The following CD109 variants were observed in gnomAD, a reference collection of about 807,000 sequenced individuals.
CD109 encodes the protein CD109 molecule, also known as CD109 antigen.
CD109 carries 149 observed loss-of-function variants against 165.8 expected under a neutral mutation model. The ratio of observed to expected loss-of-function variants is 0.90; its 90% CI spans 0.79 to 1.03. The LOEUF (loss-of-function observed/expected upper bound fraction) is 1.03. Ranked by LOEUF, CD109 falls within the 50% of genes least tolerant of loss-of-function variation. The probability of loss-of-function intolerance (pLI) is 0.00; values close to 1 mark genes in which losing one functional copy is unlikely to be tolerated. For synonymous variants in CD109, 585 were observed against 592.1 expected (o/e 0.99, Z 0.18); for missense variants, 1,712 against 1,677.8 (o/e 1.02, Z -0.36).
At chr6:73,795,473 G>T (rs1775120608) in intron 23 of CD109, among the ~76,000 whole-genome samples, 1 of 152,146 alleles carries the variant, frequency 6.6e-6, no homozygotes, top group South Asian at 2.1e-4. Flanking sequence ...AGCAGTGCTA[G>T]TCCCTCAGGT....
chr6:73,758,925 C>T lies in CD109; in HGVS notation c.674-19C>T. 1 of 1,373,374 alleles carries T rather than the reference C, an allele frequency of 7.3e-7. No homozygotes were observed. Among genetic ancestry groups the T allele is most frequent in the Non-Finnish European group, 1.0e-6 (1 of 964,296 alleles). The allele number at this position is 1,373,374 out of a possible 1,614,324, so 85.1% of individuals were successfully genotyped here. A position where few individuals can be genotyped will look rare whatever the true frequency, so the allele number is the denominator to read the frequency against. ...GTCTCAAAAAGAAAAAAAGATTTACCCTTGCTTTTCTTTTCCAGTATTACC... is the reference window on the plus strand; with the variant it reads ...GTCTCAAAAAGAAAAAAAGATTTACTCTTGCTTTTCTTTTCCAGTATTACC... On this transcript the variant is annotated intron_variant, in intron 6 of 32. Coordinates refer to ENST00000287097, the MANE Select transcript of CD109 (RefSeq NM_133493.5).
chr6:73,795,508 A>G (rs1775122040), intron 23 of CD109, among the ~76,000 whole-genome samples: 1 of 152,146 alleles, frequency 6.6e-6, no homozygotes, highest in South Asian at 2.1e-4. Flanking sequence ...TAGGTGGCCA[A>G]ACTGTAGTTT....
rs202011740 is a variant in CD109, at chr6:73,772,368, G to A, written c.1827+787G>A. 1.4e-4 allele frequency among the ~76,000 whole-genome samples: 21 copies of A among 152,012 alleles called. 1 individual carries two copies. In the East Asian group the frequency reaches 3.3e-3, roughly 24 times the overall value. On this transcript the variant is annotated intron_variant, in intron 15 of 32. Coordinates refer to ENST00000287097, the MANE Select transcript of CD109 (RefSeq NM_133493.5). ...AAAATACAAAAAATTAGCCGGGCGC[G>A]GTGGCGGGCGCCTGTAGTCCCAGCT...
At chr6:73,791,138 T>TAC (rs1187473114) in intron 22 of CD109, among the ~76,000 whole-genome samples, 6 of 32,152 alleles carry the variant, frequency 1.9e-4, no homozygotes, top group South Asian at 2.3e-3. Flanking sequence ...CATACATACA[T>TAC]ATATATATAT....
At chr6:73,709,260 C>A (rs1434437673) in intron 2 of CD109, among the ~76,000 whole-genome samples, 1 of 152,160 alleles carries the variant, frequency 6.6e-6, no homozygotes, top group Non-Finnish European at 1.5e-5. Context: ...AATAGGGAAT[C>A]CTTTCCCCAT....
upstream of CD109, among the ~76,000 whole-genome samples, chr6:73,691,771 C>G (rs1392589587): frequency 1.4e-4 from 22 of 152,192 alleles, no homozygotes; most frequent in Admixed American, 1.2e-3. Flanking sequence ...TAGGGTCTGT[C>G]TCACTCATAG....
chr6:73,762,875 A>G lies in CD109; in HGVS notation c.990A>G (p.Ser330=), dbSNP rs371472926. 2 of 1,609,034 alleles carry G rather than the reference A, an allele frequency of 1.2e-6. No individual in the cohort carries two copies. The highest frequency in any genetic ancestry group is 1.7e-6 in the Non-Finnish European group (2 of 1,178,830). ...AAATTTTAACCACAGTGACAGAATC[A>G]GTTACAGGTTTGTAGACTTTAAAGT... is the stretch of plus-strand genomic sequence containing the variant. The part of the protein sequence containing the change: ...PVEILTTVTE[S]VTGISRNVST... The change falls in exon 9 of 33, where the codon TCA becomes TCG. Residue 330 remains serine, a synonymous_variant. Transcript: ENST00000287097.
intron 14 of CD109, among the ~76,000 whole-genome samples, chr6:73,770,669 A>G (rs1256812567): frequency 1.3e-5 from 2 of 152,068 alleles, no homozygotes; most frequent in African/African-American, 4.8e-5. Flanking sequence ...AATCACTTGA[A>G]CCCAGGAGGC....
At chr6:73,766,535 G>GTATATATA (rs61670174) in intron 11 of CD109, among the ~76,000 whole-genome samples, 3 of 146,646 alleles carry the variant, frequency 2.0e-5, no homozygotes, top group African/African-American at 7.5e-5. Flanking sequence ...ATGTGTGTGT[G>GTATATATA]TATATATATA....
At position 73,806,822 on chromosome 6, in the gene CD109, A is replaced by T. The variant is rs776854906; in HGVS notation, c.2961-22A>T. On this transcript the variant is annotated intron_variant, in intron 24 of 32. Coordinates refer to ENST00000287097, the MANE Select transcript of CD109 (RefSeq NM_133493.5). ...GACCTTATAAAGTGTATTTTATGTA[A>T]TTTTTTTCTCTTTTCATAAAGGTTG... The T allele has an allele frequency of 8.9e-6, 14 of 1,578,262 alleles. No homozygotes were observed. In the Middle Eastern group the frequency reaches 5.0e-4, roughly 57 times the overall value.
intron 2 of CD109, among the ~76,000 whole-genome samples, chr6:73,700,414 C>A (rs1294783168): frequency 6.6e-6 from 1 of 152,080 alleles, no homozygotes; most frequent in East Asian, 1.9e-4. Context: ...AGCCCCCCAA[C>A]AGAAGGTTGG....
At position 73,787,405 on chromosome 6, in the gene CD109, CT is replaced by C. The variant is rs1774738882; in HGVS notation, c.2512del (p.Ser838HisfsTer11). On this transcript the variant is annotated frameshift_variant, in exon 21 of 33. Coordinates refer to ENST00000287097, the MANE Select transcript of CD109 (RefSeq NM_133493.5). LOFTEE classifies it high-confidence loss of function. ...AGAAATTCCTATCACAGTCACAGCT[CT>C]TTCACCCACTGCTTCTGATGCTGTC... Reference protein sequence around the residue: ...LGEIPITVTALSPTASDAVTQ... With the variant: ...LGEIPITVTAXSPTASDAVTQ... 6.2e-7 allele frequency: 1 copy of C among 1,613,924 alleles called. No homozygotes were observed. Among genetic ancestry groups the C allele is most frequent in the Non-Finnish European group, 8.5e-7 (1 of 1,179,942 alleles).
intron 5 of CD109, among the ~76,000 whole-genome samples, chr6:73,742,108 A>G (rs889404880): frequency 2.0e-5 from 3 of 152,224 alleles, no homozygotes; most frequent in African/African-American, 7.2e-5. Flanking sequence ...CATCACCACC[A>G]TCCATCTCTG....
Position 73,787,372 on chromosome 6 carries a change from C to CGTGT in CD109, c.2476_2477insGTGT (p.His826ArgfsTer19). 6.2e-7 allele frequency: 1 copy of CGTGT among 1,614,126 alleles called. No homozygotes were observed. On this transcript the variant is annotated frameshift_variant, in exon 21 of 33. Transcript: ENST00000287097. LOFTEE classifies it high-confidence loss of function. ...TGTTCTTTTTCCCATCAGGCCAACACATCTGGGAGAAATTCCTATCACAGT... is the reference window on the plus strand; with the variant it reads ...TGTTCTTTTTCCCATCAGGCCAACACGTGTATCTGGGAGAAATTCCTATCACAGT...
At chr6:73,731,257 G>A (rs1426991474) in intron 4 of CD109, among the ~76,000 whole-genome samples, 1 of 152,146 alleles carries the variant, frequency 6.6e-6, no homozygotes, top group African/African-American at 2.4e-5. Context: ...TGTTGGTCAG[G>A]CTGACCTCGT....
At chr6:73,796,328 A>T (rs1455078543) in intron 23 of CD109, among the ~76,000 whole-genome samples, 2 of 152,056 alleles carry the variant, frequency 1.3e-5, no homozygotes, top group Non-Finnish European at 2.9e-5. Context: ...AGCTGGCTGT[A>T]TCTGGAACAC....
intron 3 of CD109, among the ~76,000 whole-genome samples, chr6:73,729,486 CTATTGTTAT>C (rs1476810154): frequency 2.3e-5 from 3 of 131,848 alleles, no homozygotes; most frequent in Non-Finnish European, 4.7e-5. Context: ...GGTAGGACTT[CTATTGTTAT>C]TATTATTATT....
intron 5 of CD109, among the ~76,000 whole-genome samples, chr6:73,749,058 C>T (rs546617156): frequency 4.6e-5 from 7 of 152,168 alleles, no homozygotes; most frequent in East Asian, 3.9e-4. Context: ...TAGTAGGGAT[C>T]GGAATAAAGC....
the CD109 span, among the ~76,000 whole-genome samples, chr6:73,683,675 G>C: frequency 6.6e-5 from 10 of 152,266 alleles, no homozygotes; most frequent in African/African-American, 1.4e-4. Context: ...AGACATACCC[G>C]AGACTGGGCA....
Sources: gnomAD v4.1 joint callset for allele counts (sites outside exome capture counted in the v4.1 genomes callset) on GRCh38, gnomAD v4.1.1 for gene constraint, MANE v1.5 for transcripts, NCBI Gene and HGNC (gene_info 2026-07-23, HGNC 2026-07-21) for gene names.